Variants in ANG observed in about 807,000 individuals in gnomAD.
ANG encodes the protein Homo sapiens epididymis luminal protein 168.
For missense variants in ANG, 178 were observed against 187.4 expected, an observed-to-expected ratio of 0.95 and a Z score of 0.29; for synonymous variants, 74 against 73.8, an observed-to-expected ratio of 1.00 and a Z score of -0.02.
chr14:20,689,982 G>A (rs1223531640), intron 1 of ANG, among the ~76,000 whole-genome samples: 2 of 149,074 alleles, frequency 1.3e-5, no homozygotes, highest in African/African-American at 4.9e-5. Context: ...TTGGGAGGCC[G>A]AGGCGGGTGG....
intron 1 of ANG, among the ~76,000 whole-genome samples, chr14:20,691,026 A>G (rs1594206377): frequency 6.6e-6 from 1 of 152,180 alleles, no homozygotes; most frequent in Non-Finnish European, 1.5e-5. Flanking sequence ...ACTTATATCT[A>G]ATGAGGTGTC....
intron 1 of ANG, among the ~76,000 whole-genome samples, chr14:20,690,209 G>A (rs1422463150): frequency 1.0e-5 from 1 of 99,404 alleles, no homozygotes; most frequent in Non-Finnish European, 1.8e-5. Flanking sequence ...GCGACAGAGC[G>A]AGACTCCGTC....
At position 20,694,037 on chromosome 14, in the gene ANG, C is replaced by G. The variant is rs746829799; in HGVS notation, c.*29C>G. The G allele has an allele frequency of 1.2e-6, 2 of 1,612,592 alleles. No homozygotes were observed. The highest frequency in any genetic ancestry group is 2.2e-5 in the East Asian group (1 of 44,878). On this transcript the variant is annotated 3_prime_UTR_variant, in exon 2 of 2. Transcript: ENST00000397990. ...GCGGGCCCCTGGTCAAGTGCTGGCT[C>G]TGCTGTCCTTGCCTTCCATTTCCCC...
intron 1 of ANG, among the ~76,000 whole-genome samples, chr14:20,689,934 G>A (rs1442929769): frequency 7.0e-6 from 1 of 142,736 alleles, no homozygotes; most frequent in African/African-American, 2.7e-5. Flanking sequence ...AAAAAAAACA[G>A]GCCGGGCGCG....
chr14:20,691,180 A>G (rs1427957322), intron 1 of ANG, among the ~76,000 whole-genome samples: 2 of 152,174 alleles, frequency 1.3e-5, no homozygotes, highest in Non-Finnish European at 2.9e-5. Flanking sequence ...TTCCTAGAGA[A>G]GACATTAGTA....
intron 1 of ANG, among the ~76,000 whole-genome samples, chr14:20,690,059 C>T (rs1886644787): frequency 5.5e-5 from 8 of 144,978 alleles, no homozygotes; most frequent in Middle Eastern, 3.4e-3. Context: ...ACTAAAAATA[C>T]AAAAAATTAG....
chr14:20,685,280 G>T (rs57864476), upstream of ANG, among the ~76,000 whole-genome samples: 1,899 of 152,236 alleles, frequency 0.012, 36 homozygotes, highest in African/African-American at 0.043. Flanking sequence ...CTACTGGAAG[G>T]TTGGGATCCT....
At chr14:20,686,708 T>A (rs1886442801), upstream of ANG, among the ~76,000 whole-genome samples, 1 of 152,252 alleles carries the variant, frequency 6.6e-6, no homozygotes, top group Non-Finnish European at 1.5e-5. Context: ...GTGTTGCCTC[T>A]TCCTGGAGAC....
At position 20,693,785 on chromosome 14, in the gene ANG, A is replaced by G. The variant is rs1258968113; in HGVS notation, c.221A>G (p.Lys74Arg). ...ATCAACACATTTATTCATGGCAACA[A>G]GCGCAGCATCAAGGCCATCTGTGAA... ...KDINTFIHGN[K>R]RSIKAICENK... The change falls in exon 2 of 2, where the codon AAG (lysine) becomes AGG (arginine). Residue 74 changes from lysine (K) to arginine (R), a missense_variant. By Grantham distance (26) the Lys-to-Arg change is conservative (BLOSUM62 2). Coordinates refer to ENST00000397990, the MANE Select transcript of ANG (RefSeq NM_001097577.3). 2 of 1,614,228 alleles carry G rather than the reference A, an allele frequency of 1.2e-6. No individual in the cohort carries two copies. Among genetic ancestry groups the G allele is most frequent in the East Asian group, 2.2e-5 (1 of 44,892 alleles).
At chr14:20,693,133 C>T (rs1033521793) in intron 1 of ANG, among the ~76,000 whole-genome samples, 1 of 152,254 alleles carries the variant, frequency 6.6e-6, no homozygotes, top group African/African-American at 2.4e-5. Context: ...AGGCGTGAGC[C>T]ACCGCGCCCG....
At position 20,693,724 on chromosome 14, in the gene ANG, A is replaced by C. The variant is rs912745240; in HGVS notation, c.160A>C (p.Met54Leu). The change falls in exon 2 of 2, where the codon ATG becomes CTG. Residue 54 changes from methionine to leucine, a missense_variant. Coordinates refer to ENST00000397990, the MANE Select transcript of ANG (RefSeq NM_001097577.3). ...GGATGACAGATACTGTGAAAGCATC[A>C]TGAGGAGACGGGGCCTGACCTCACC... Reference protein sequence around the residue: ...GRDDRYCESIMRRRGLTSPCK... With the variant: ...GRDDRYCESILRRRGLTSPCK... 3 of 1,614,104 alleles carry C rather than the reference A, an allele frequency of 1.9e-6. No individual in the cohort carries two copies. The African/African-American group carries it at 4.0e-5, about 22-fold the overall frequency.
chr14:20,690,982 G>T (rs1886712643), intron 1 of ANG, among the ~76,000 whole-genome samples: 1 of 152,158 alleles, frequency 6.6e-6, no homozygotes, highest in Admixed American at 6.5e-5. Flanking sequence ...TATCCTTATG[G>T]GTAGATTCTG....
upstream of ANG, among the ~76,000 whole-genome samples, chr14:20,685,368 A>T (rs1864014347): frequency 1.3e-5 from 2 of 152,150 alleles, no homozygotes; most frequent in South Asian, 4.1e-4. Context: ...TATTAAAACA[A>T]TTTCAGCACC....
At chr14:20,685,048 C>G (rs1886359587), upstream of ANG, among the ~76,000 whole-genome samples, 1 of 152,068 alleles carries the variant, frequency 6.6e-6, no homozygotes, top group Non-Finnish European at 1.5e-5. Context: ...TAAGGGAAGC[C>G]CTAGGAGGCC....
upstream of ANG, among the ~76,000 whole-genome samples, chr14:20,686,853 C>G (rs1289598879): frequency 6.6e-6 from 1 of 152,184 alleles, no homozygotes; most frequent in Non-Finnish European, 1.5e-5. Flanking sequence ...TTCCCATCAT[C>G]TAATTTTATA....
intron 1 of ANG, among the ~76,000 whole-genome samples, chr14:20,690,008 G>A (rs184674274): frequency 0.042 from 6,249 of 148,134 alleles, 173 homozygotes; most frequent in African/African-American, 0.075. Context: ...GAGGTCAGGA[G>A]ATCGAGACCA....
intron 1 of ANG, among the ~76,000 whole-genome samples, chr14:20,693,094 G>A (rs919371260): frequency 2.6e-5 from 4 of 152,102 alleles, no homozygotes; most frequent in African/African-American, 4.8e-5. Context: ...TGATCCGCCC[G>A]CCTTGGCCTC....
intron 1 of ANG, among the ~76,000 whole-genome samples, chr14:20,689,471 A>G (rs956493293): frequency 2.6e-5 from 4 of 152,326 alleles, no homozygotes; most frequent in East Asian, 3.9e-4. Context: ...AATGATAACT[A>G]TAGTTACTCA....
intron 1 of ANG, 195 bp from the exon 2 acceptor site, chr14:20,693,352 A>T: frequency 5.9e-6 from 4 of 674,338 alleles, no homozygotes; most frequent in Non-Finnish European, 7.5e-6. Flanking sequence ...TGCTCAGGAA[A>T]CTATTAAATA....
Sources: allele counts gnomAD v4.1 joint callset (sites outside exome capture counted in the v4.1 genomes callset), GRCh38; gene constraint gnomAD v4.1.1; transcripts MANE v1.5; gene names NCBI Gene and HGNC (gene_info 2026-07-23, HGNC 2026-07-21).